The following SIDT1 variants were observed in gnomAD, a reference collection of about 807,000 sequenced individuals.
The protein encoded by SIDT1 is SID1 transmembrane family, member 1.
In SIDT1, 101 loss-of-function variants were observed where a neutral mutation model predicts 107.5. That is an observed-to-expected ratio of 0.94 (90% CI 0.80 to 1.11). SIDT1 has a LOEUF of 1.11. SIDT1 is among the 50% of genes least tolerant of loss of function. SIDT1 has a pLI of 0.00. For synonymous variants in SIDT1, 395 were observed against 398.2 expected (o/e 0.99, Z 0.10); for missense variants, 1,076 against 1,058.2 (o/e 1.02, Z -0.23).
intron 1 of SIDT1, among the ~76,000 whole-genome samples, chr3:113,543,893 C>T (rs1939238108): frequency 6.6e-6 from 1 of 152,194 alleles, no homozygotes; most frequent in African/African-American, 2.4e-5. Flanking sequence ...AAGTTGCAGA[C>T]ATGCTGCTCT....
At chr3:113,540,812 C>A (rs1455795728) in intron 1 of SIDT1, among the ~76,000 whole-genome samples, 2 of 151,972 alleles carry the variant, frequency 1.3e-5, no homozygotes, top group African/African-American at 4.8e-5. Context: ...TTCCTTTGTA[C>A]TAATACATTT....
intron 4 of SIDT1, among the ~76,000 whole-genome samples, chr3:113,578,081 A>G (rs1182305349): frequency 6.6e-6 from 1 of 152,252 alleles, no homozygotes; most frequent in Non-Finnish European, 1.5e-5. Flanking sequence ...AAAGGCCCTT[A>G]ATATACTGCC....
chr3:113,636,133 A>G, the SIDT1 span, among the ~76,000 whole-genome samples: 2 of 152,150 alleles, frequency 1.3e-5, no homozygotes, highest in Non-Finnish European at 1.5e-5. Flanking sequence ...GGCCAGGCAC[A>G]GTGGCTTAAA....
chr3:113,607,984 G>C, intron 15 of SIDT1, 110 bp from the exon 16 acceptor site: 2 of 1,258,616 alleles, frequency 1.6e-6, no homozygotes, highest in South Asian at 2.1e-5. Context: ...TTATGGAAAG[G>C]TTAATGGAAA....
At chr3:113,577,524 G>A (rs939198184) in intron 4 of SIDT1, among the ~76,000 whole-genome samples, 16 of 152,196 alleles carry the variant, frequency 1.1e-4, no homozygotes, top group South Asian at 4.1e-4. Context: ...AGGAGAATTA[G>A]ATATTTGTGT....
Position 113,627,901 on chromosome 3 carries a change from T to C in SIDT1, c.*193T>C. 1.7e-6 allele frequency: 1 copy of C among 599,660 alleles called. No homozygotes were observed. The allele number at this position is 599,660 out of a possible 1,614,324, so 37.1% of individuals were successfully genotyped here. A position where few individuals can be genotyped will look rare whatever the true frequency, so the allele number is the denominator to read the frequency against. Reference sequence around the variant, plus strand: ...AAGAAAGGAGGCAGAAGGGGAGCCATGTTTTGAGGACAGACGCAAACCTGA... The same window carrying C: ...AAGAAAGGAGGCAGAAGGGGAGCCACGTTTTGAGGACAGACGCAAACCTGA... On this transcript the variant is annotated 3_prime_UTR_variant, in exon 25 of 25. Transcript: ENST00000264852.
chr3:113,583,766 G>T (rs192580823), intron 7 of SIDT1, among the ~76,000 whole-genome samples: 2 of 152,120 alleles, frequency 1.3e-5, no homozygotes, highest in Admixed American at 6.5e-5. Flanking sequence ...AAGTTCACTC[G>T]GTTGGCCCTT....
intron 9 of SIDT1, among the ~76,000 whole-genome samples, chr3:113,589,039 T>C (rs1015186600): frequency 7.2e-5 from 11 of 152,178 alleles, no homozygotes; most frequent in African/African-American, 2.2e-4. Context: ...CTGGGGCTTA[T>C]TTGTTTCCAA....
chr3:113,542,055 C>G (rs1386722659), intron 1 of SIDT1, among the ~76,000 whole-genome samples: 2 of 151,680 alleles, frequency 1.3e-5, no homozygotes, highest in African/African-American at 4.8e-5. Context: ...TCCCCAGTAG[C>G]TGGGATTACA....
intron 19 of SIDT1, 72 bp downstream of exon 19, chr3:113,612,266 T>C (rs1945811837): frequency 1.9e-6 from 2 of 1,076,998 alleles, no homozygotes; most frequent in Admixed American, 3.6e-5. Flanking sequence ...TGCCTTTACT[T>C]ATGCTGAATG....
At chr3:113,552,328 C>T (rs546358031) in intron 1 of SIDT1, among the ~76,000 whole-genome samples, 1 of 152,214 alleles carries the variant, frequency 6.6e-6, no homozygotes, top group East Asian at 1.9e-4. Flanking sequence ...GGGAGACAAA[C>T]AGTGGTGAGA....
In SIDT1 at chr3:113,616,693, A is replaced by ATTT. The variant is rs33991386; in HGVS notation, c.2043+529_2043+531dup. On this transcript the variant is annotated intron_variant, in intron 20 of 24. Coordinates refer to ENST00000264852, the MANE Select transcript of SIDT1 (RefSeq NM_017699.3). The stretch of plus-strand genomic sequence containing the variant: ...ATTTGGAAATAAAAAATAATAAAGA[A>ATTT]TTTTTTTTTTTTTTGAGACGGAGTT... Among the ~76,000 whole-genome samples, 259 of 146,720 alleles carry ATTT rather than the reference A, an allele frequency of 1.8e-3. 1 individual carries two copies. The highest frequency in any genetic ancestry group is 0.01 in the South Asian group (47 of 4,598).
chr3:113,578,239 G>A (rs1943059943), intron 4 of SIDT1, among the ~76,000 whole-genome samples: 1 of 151,622 alleles, frequency 6.6e-6, no homozygotes, highest in Non-Finnish European at 1.5e-5. Flanking sequence ...GCTGAGGCGG[G>A]CAGATCACGA....
At chr3:113,587,416 G>A (rs933820422) in intron 9 of SIDT1, among the ~76,000 whole-genome samples, 21 of 152,086 alleles carry the variant, frequency 1.4e-4, no homozygotes, top group African/African-American at 5.1e-4. Flanking sequence ...ATTATACCTG[G>A]AAAGTATACA....
At chr3:113,608,594 C>G in intron 17 of SIDT1, 58 bp downstream of exon 17, 4 of 1,299,328 alleles carry the variant, frequency 3.1e-6, no homozygotes, top group Non-Finnish European at 2.2e-6. Flanking sequence ...TCCTGGAACC[C>G]TCCCCAAAAA....
rs1447381113 is a variant in SIDT1, at chr3:113,533,225, C to T, written c.204C>T (p.Tyr68=). Residue 68 remains tyrosine (Y), a synonymous_variant, in exon 1 of 25, where the codon TAC becomes TAT. Transcript: ENST00000264852. ...LSTENIYSFN[Y]TSQPDQVTAV... is the part of the protein sequence containing the mutation. ...CCGAGAACATCTACTCTTTCAACTA[C>T]ACCAGCCAGCCCGACCAGGTAAGAC... 2 of 1,494,494 alleles carry T rather than the reference C, an allele frequency of 1.3e-6. No homozygotes were observed. The highest frequency in any genetic ancestry group is 2.3e-5 in the Admixed American group (1 of 44,260). 92.6% of individuals were successfully genotyped at this position (1,494,494 alleles called of 1,614,324 possible). A position where few individuals can be genotyped will look rare whatever the true frequency, so the allele number is the denominator to read the frequency against.
chr3:113,533,846 CATCAGCTGATCA>C lies in SIDT1; in HGVS notation c.222+607_222+618del, dbSNP rs369229465. Among the ~76,000 whole-genome samples, 1,132 of 152,302 alleles carry C rather than the reference CATCAGCTGATCA, an allele frequency of 7.4e-3. 13 individuals are homozygous for C. The highest frequency in any genetic ancestry group is 0.017 in the African/African-American group (725 of 41,566). On this transcript the variant is annotated intron_variant, in intron 1 of 24. Coordinates refer to ENST00000264852, the MANE Select transcript of SIDT1 (RefSeq NM_017699.3). ...TGGGCAAAGACGTGAGAACTGCAGCCATCAGCTGATCAATCCAGGTTTTGATTTTAAATAAGG... is the reference window on the plus strand; with the variant it reads ...TGGGCAAAGACGTGAGAACTGCAGCCATCCAGGTTTTGATTTTAAATAAGG...
At chr3:113,604,833 A>G in intron 13 of SIDT1, 77 bp from the exon 14 acceptor site, 1 of 1,531,026 alleles carries the variant, frequency 6.5e-7, no homozygotes, top group Non-Finnish European at 9.0e-7. Context: ...GGGTGGAAGC[A>G]TTCTTTTAAA....
intron 4 of SIDT1, among the ~76,000 whole-genome samples, chr3:113,577,636 T>A (rs932291617): frequency 1.3e-5 from 2 of 152,240 alleles, no homozygotes; most frequent in African/African-American, 4.8e-5. Flanking sequence ...CCTTCCTTTT[T>A]TCTTTCATAA....
Sources: allele counts gnomAD v4.1 joint callset (sites outside exome capture counted in the v4.1 genomes callset), GRCh38; gene constraint gnomAD v4.1.1; transcripts MANE v1.5; gene names NCBI Gene and HGNC (gene_info 2026-07-23, HGNC 2026-07-21).